FMO1: variants seen among roughly 807,000 people sequenced by gnomAD.
FMO1 encodes flavin containing dimethylaniline monoxygenase 1, also known as flavin-containing monooxygenase 1.
Under a neutral mutation model 45.4 loss-of-function variants are expected in FMO1, and 36 were observed. The observed-to-expected ratio is 0.79, with a 90% CI of 0.61 to 1.05. FMO1 has a LOEUF of 1.05. FMO1 is among the 50% of genes least tolerant of loss of function. The probability of loss-of-function intolerance (pLI) is 0.00; values close to 1 mark genes in which losing one functional copy is unlikely to be tolerated. For synonymous variants in FMO1, 228 were observed against 227.2 expected, an observed-to-expected ratio of 1.00 and a Z score of -0.03; for missense variants, 615 against 640.3, an observed-to-expected ratio of 0.96 and a Z score of 0.43.
chr1:171,264,062 A>C (rs1660499405), intron 2 of FMO1, among the ~76,000 whole-genome samples: 2 of 152,226 alleles, frequency 1.3e-5, no homozygotes, highest in Admixed American at 1.3e-4. Flanking sequence ...TGTAAGCTAC[A>C]GTTTCTCATA....
intron 4 of FMO1, among the ~76,000 whole-genome samples, chr1:171,278,524 C>A (rs977492396): frequency 6.6e-6 from 1 of 152,068 alleles, no homozygotes; most frequent in African/African-American, 2.4e-5. Flanking sequence ...GGAGGCCTAT[C>A]TAGTGAGATG....
intron 2 of FMO1, among the ~76,000 whole-genome samples, chr1:171,263,760 C>T (rs568096660): frequency 6.6e-6 from 1 of 152,150 alleles, no homozygotes; most frequent in African/African-American, 2.4e-5. Flanking sequence ...GTGGACCCCC[C>T]ACCAGGTACA....
In FMO1 at chr1:171,267,657, C is replaced by G. The variant is rs1458406648; in HGVS notation, c.247C>G (p.Pro83Ala). Residue 83 changes from proline to alanine, a missense_variant, in exon 3 of 9, where the codon CCA becomes GCA. Physicochemically the swap from Pro to Ala is conservative, Grantham distance 27 (BLOSUM62 -1). Transcript: ENST00000617670. The part of the protein sequence containing the change: ...PFPEDYPNYV[P>A]NSQFLEYLKM... ...CCCAGAAGATTATCCAAACTATGTG[C>G]CAAATTCTCAATTCCTGGAATATCT... 2.5e-6 allele frequency: 4 copies of G among 1,613,892 alleles called. No individual in the cohort carries two copies.
intron 3 of FMO1, chr1:171,271,399 C>A (rs1249324445): frequency 7.3e-6 from 8 of 1,097,454 alleles, no homozygotes; most frequent in Non-Finnish European, 1.1e-5. Flanking sequence ...GTCACCTTTG[C>A]CATATCTTCA....
At chr1:171,271,033 TC>T (rs1222948980) in intron 3 of FMO1, 9 of 1,003,548 alleles carry the variant, frequency 9.0e-6, no homozygotes, top group Non-Finnish European at 1.4e-5. Context: ...TTCCTCCTCT[TC>T]CTTCTTTTTC....
At chr1:171,269,384 G>A (rs1397210628) in intron 3 of FMO1, among the ~76,000 whole-genome samples, 1 of 152,062 alleles carries the variant, frequency 6.6e-6, no homozygotes, top group Non-Finnish European at 1.5e-5. Flanking sequence ...AGGCTGAGAT[G>A]GTCTCAGATG....
intron 1 of FMO1, chr1:171,253,881 T>G (rs1352254655): frequency 2.0e-5 from 3 of 152,266 alleles, no homozygotes; most frequent in South Asian, 4.1e-4. Context: ...GTATACTGGA[T>G]GTTTAACAAA....
intron 1 of FMO1, among the ~76,000 whole-genome samples, chr1:171,257,198 C>T (rs1290210908): frequency 6.6e-6 from 1 of 151,954 alleles, no homozygotes; most frequent in African/African-American, 2.4e-5. Flanking sequence ...ATTACACTGT[C>T]GTAACTGATA....
chr1:171,264,947 C>T lies in FMO1; in HGVS notation c.133-2596C>T, dbSNP rs973537041. Among the ~76,000 whole-genome samples the T allele has an allele frequency of 4.0e-5, 6 of 151,826 alleles. No individual in the cohort carries two copies. The East Asian group carries it at 9.7e-4, about 25-fold the overall frequency. Reference sequence around the variant, plus strand: ...ATGCACAATCTCAGGCTCACCCTGACTTACAGAGTCAGCATCCACATGTTT... The same window carrying T: ...ATGCACAATCTCAGGCTCACCCTGATTTACAGAGTCAGCATCCACATGTTT... On this transcript the variant is annotated intron_variant, in intron 2 of 8. Transcript: ENST00000617670.
Position 171,270,802 on chromosome 1 carries a change from G to A in FMO1, c.321+3071G>A, listed in dbSNP as rs537135554. On this transcript the variant is annotated intron_variant, in intron 3 of 8. Transcript: ENST00000617670. ...GGGCTATCTAAAGACACATTCGGTAGTGTGTTAACTTTATAAAAAAAGACA... is the reference window on the plus strand; with the variant it reads ...GGGCTATCTAAAGACACATTCGGTAATGTGTTAACTTTATAAAAAAAGACA... 2.4e-4 allele frequency: 185 copies of A among 761,342 alleles called. No homozygotes were observed. In the Middle Eastern group the frequency reaches 2.6e-3, roughly 11 times the overall value. 47.2% of individuals were successfully genotyped at this position (761,342 alleles called of 1,614,324 possible).
intron 3 of FMO1, among the ~76,000 whole-genome samples, chr1:171,272,705 T>A (rs2101826027): frequency 6.6e-6 from 1 of 152,344 alleles, no homozygotes; most frequent in South Asian, 2.1e-4. Flanking sequence ...ATGGGGCCTG[T>A]AGCCCCTTTG....
chr1:171,254,574 T>C (rs1558002909), intron 1 of FMO1, among the ~76,000 whole-genome samples: 2 of 152,172 alleles, frequency 1.3e-5, no homozygotes. Flanking sequence ...ATACCTTATA[T>C]ATACAGAAGA....
chr1:171,283,742 C>T (rs559249468), intron 8 of FMO1, among the ~76,000 whole-genome samples: 52 of 152,182 alleles, frequency 3.4e-4, no homozygotes, highest in African/African-American at 1.1e-3. Context: ...GTGAAAAAAT[C>T]ATATGAAATG....
In FMO1 at chr1:171,267,688, T is replaced by C; in HGVS notation, c.278T>C (p.Met93Thr). Reference protein sequence around the residue: ...PNSQFLEYLKMYANHFDLLKH... With the variant: ...PNSQFLEYLKTYANHFDLLKH... ...TCTCAATTCCTGGAATATCTCAAAATGTATGCAAACCACTTTGACCTTCTG... is the reference window on the plus strand; with the variant it reads ...TCTCAATTCCTGGAATATCTCAAAACGTATGCAAACCACTTTGACCTTCTG... The change falls in exon 3 of 9, where the codon ATG becomes ACG. Residue 93 changes from methionine (M) to threonine (T), a missense_variant. Coordinates refer to ENST00000617670, the MANE Select transcript of FMO1 (RefSeq NM_001282693.2). 2.5e-6 allele frequency: 4 copies of C among 1,613,914 alleles called. No individual in the cohort carries two copies. Among genetic ancestry groups the C allele is most frequent in the Non-Finnish European group, 3.4e-6 (4 of 1,179,912 alleles).
intron 5 of FMO1, among the ~76,000 whole-genome samples, chr1:171,280,497 T>C (rs906814670): frequency 6.6e-6 from 1 of 152,226 alleles, no homozygotes; most frequent in Non-Finnish European, 1.5e-5. Flanking sequence ...GTTCATTGTT[T>C]TCTTACATAG....
At chr1:171,249,983 G>T (rs2102055575) in intron 1 of FMO1, among the ~76,000 whole-genome samples, 1 of 152,178 alleles carries the variant, frequency 6.6e-6, no homozygotes, top group African/African-American at 2.4e-5. Context: ...CAACTTTCTA[G>T]GTTCAAGGAG....
intron 3 of FMO1, among the ~76,000 whole-genome samples, chr1:171,273,039 G>T (rs533659639): frequency 1.3e-5 from 2 of 152,276 alleles, no homozygotes; most frequent in Non-Finnish European, 2.9e-5. Flanking sequence ...TGTGAGAGGG[G>T]TCCAGTGGGA....
At chr1:171,254,733 T>G (rs530681157) in intron 1 of FMO1, among the ~76,000 whole-genome samples, 3 of 152,206 alleles carry the variant, frequency 2.0e-5, no homozygotes, top group Non-Finnish European at 4.4e-5. Flanking sequence ...CAGTGCTCCC[T>G]AACTCTAGAG....
intron 2 of FMO1, among the ~76,000 whole-genome samples, chr1:171,262,411 A>C (rs2101806538): frequency 6.6e-6 from 1 of 152,192 alleles, no homozygotes; most frequent in South Asian, 2.1e-4. Context: ...TTCATCCTTC[A>C]CCTCCCTGTA....
Sources: gnomAD v4.1 joint callset for allele counts (sites outside exome capture counted in the v4.1 genomes callset) on GRCh38, gnomAD v4.1.1 for gene constraint, MANE v1.5 for transcripts, NCBI Gene and HGNC (gene_info 2026-07-23, HGNC 2026-07-21) for gene names.